Variants in PIAS1 observed in about 807,000 individuals in gnomAD.
PIAS1 encodes the protein E3 SUMO-protein ligase PIAS1.
Under a neutral mutation model 71.3 loss-of-function variants are expected in PIAS1, and 6 were observed. The ratio of observed to expected loss-of-function variants is 0.08; its 90% CI spans 0.05 to 0.17. The LOEUF (loss-of-function observed/expected upper bound fraction) is 0.17, where lower values mean the gene tolerates loss of function less well. Ranked by LOEUF, PIAS1 falls within the 10% of genes least tolerant of loss-of-function variation. The probability of loss-of-function intolerance (pLI) is 1.00; values close to 1 mark genes in which losing one functional copy is unlikely to be tolerated. For missense variants in PIAS1, 555 were observed against 793.6 expected, an observed-to-expected ratio of 0.70 and a Z score of 3.61; for synonymous variants, 303 against 292.9, an observed-to-expected ratio of 1.03 and a Z score of -0.35.
chr15:68,085,179 T>G (rs1305937898), intron 1 of PIAS1, among the ~76,000 whole-genome samples: 1 of 152,174 alleles, frequency 6.6e-6, no homozygotes, highest in African/African-American at 2.4e-5. Flanking sequence ...AAGGAATTAG[T>G]TGGAGAAATA....
intron 6 of PIAS1, among the ~76,000 whole-genome samples, chr15:68,147,218 A>C (rs191671574): frequency 8.1e-4 from 123 of 152,342 alleles, no homozygotes; most frequent in African/African-American, 3.0e-3. Flanking sequence ...GGTGTTGTAC[A>C]AATTTATTCT....
At chr15:68,116,942 G>T (rs1742398322) in intron 2 of PIAS1, among the ~76,000 whole-genome samples, 1 of 152,126 alleles carries the variant, frequency 6.6e-6, no homozygotes. Context: ...GGCGTACAAT[G>T]TGATGTTTCA....
In PIAS1 at chr15:68,150,332, C is replaced by T. The variant is rs184491358; in HGVS notation, c.829-3258C>T. On this transcript the variant is annotated intron_variant, in intron 6 of 13. Coordinates refer to ENST00000249636, the MANE Select transcript of PIAS1 (RefSeq NM_016166.3). ...AAAGCACTAGAGGAGGGGGGAAATA[C>T]TCTTCCATAGGAAGGCTTCCAGCTA... Among the ~76,000 whole-genome samples the T allele has an allele frequency of 1.2e-4, 19 of 152,206 alleles. No individual in the cohort carries two copies. The East Asian group carries it at 3.3e-3, about 26-fold the overall frequency.
At chr15:68,084,549 G>A (rs1432603964) in intron 1 of PIAS1, among the ~76,000 whole-genome samples, 2 of 152,100 alleles carry the variant, frequency 1.3e-5, no homozygotes, top group Non-Finnish European at 2.9e-5. Context: ...TAAGGTTTAC[G>A]TTATATCTTT....
rs969029666 is a variant in PIAS1, at chr15:68,193,671, TG to T, written c.*5843del. The T allele has an allele frequency of 2.7e-5, 6 of 225,592 alleles. No individual in the cohort carries two copies. Among genetic ancestry groups the T allele is most frequent in the Admixed American group, 5.2e-5 (1 of 19,244 alleles). 14.0% of individuals were successfully genotyped at this position (225,592 alleles called of 1,614,324 possible). On this transcript the variant is annotated 3_prime_UTR_variant, in exon 14 of 14. Transcript: ENST00000249636. ...GTAAGAAGTGGGAATCCAGCTTGTG[TG>T]GGGGGGCTTTGAGGAGTGAAATGAT...
intron 7 of PIAS1, among the ~76,000 whole-genome samples, chr15:68,155,375 T>G (rs1197535947): frequency 6.8e-6 from 1 of 147,854 alleles, no homozygotes; most frequent in African/African-American, 2.5e-5. Context: ...AATATTAATT[T>G]GGATCCCACC....
rs543102958 is a variant in PIAS1, at chr15:68,068,474, T to C, written c.24+14124T>C. ...GGGGTTAAGTCTTTTTTTTTGAGACTGAGTTTGCACTCCTGTCACCCAGGT... is the reference window on the plus strand; with the variant it reads ...GGGGTTAAGTCTTTTTTTTTGAGACCGAGTTTGCACTCCTGTCACCCAGGT... On this transcript the variant is annotated intron_variant, in intron 1 of 13. Transcript: ENST00000249636. Among the ~76,000 whole-genome samples, 9 of 152,262 alleles carry C rather than the reference T, an allele frequency of 5.9e-5. No individual in the cohort carries two copies. In the South Asian group the frequency reaches 1.9e-3, roughly 32 times the overall value.
intron 2 of PIAS1, among the ~76,000 whole-genome samples, chr15:68,123,943 T>A (rs1446694414): frequency 6.6e-6 from 1 of 151,286 alleles, no homozygotes; most frequent in Admixed American, 6.6e-5. Context: ...GGACATAATA[T>A]AAACCTAAAT....
intron 2 of PIAS1, among the ~76,000 whole-genome samples, chr15:68,098,763 CTG>C (rs1261936775): frequency 6.6e-6 from 1 of 152,046 alleles, no homozygotes; most frequent in Non-Finnish European, 1.5e-5. Flanking sequence ...TCGTTGGATT[CTG>C]TGTTATTAAA....
At chr15:68,166,330 G>A (rs2092957598) in intron 8 of PIAS1, among the ~76,000 whole-genome samples, 1 of 151,188 alleles carries the variant, frequency 6.6e-6, no homozygotes, top group Admixed American at 6.6e-5. Flanking sequence ...GTTTTTGTGT[G>A]TGTGGTTTTT....
intron 1 of PIAS1, among the ~76,000 whole-genome samples, chr15:68,077,676 T>A (rs2092183005): frequency 6.6e-6 from 1 of 152,238 alleles, no homozygotes; most frequent in African/African-American, 2.4e-5. Flanking sequence ...TTTGATACTC[T>A]GTTGCTGTTA....
intron 7 of PIAS1, among the ~76,000 whole-genome samples, chr15:68,158,217 C>CT (rs1231535719): frequency 6.6e-6 from 1 of 152,104 alleles, no homozygotes; most frequent in Non-Finnish European, 1.5e-5. Flanking sequence ...ATTCACTCTG[C>CT]TTTTTAAACT....
chr15:68,098,305 A>G (rs940040097), intron 2 of PIAS1, among the ~76,000 whole-genome samples: 3 of 152,232 alleles, frequency 2.0e-5, no homozygotes, highest in African/African-American at 7.2e-5. Context: ...GAGAAAAGAA[A>G]CTGTTACTAA....
chr15:68,111,817 A>G (rs559654510), intron 2 of PIAS1, among the ~76,000 whole-genome samples: 2 of 152,308 alleles, frequency 1.3e-5, no homozygotes, highest in East Asian at 3.9e-4. Context: ...TTGAAATATG[A>G]CCATAGTACA....
chr15:68,124,096 T>C (rs2092633156), intron 2 of PIAS1, among the ~76,000 whole-genome samples: 1 of 152,204 alleles, frequency 6.6e-6, no homozygotes, highest in Non-Finnish European at 1.5e-5. Context: ...TCTCTGTGTC[T>C]GTATTGTCTG....
chr15:68,105,316 A>T (rs139727109), intron 2 of PIAS1, among the ~76,000 whole-genome samples: 62 of 152,182 alleles, frequency 4.1e-4, no homozygotes, highest in Non-Finnish European at 6.2e-4. Flanking sequence ...AAATCAGGCC[A>T]TTTGTTTGTA....
chr15:68,082,881 T>C (rs1444031966), intron 1 of PIAS1, among the ~76,000 whole-genome samples: 2 of 152,140 alleles, frequency 1.3e-5, no homozygotes, highest in African/African-American at 4.8e-5. Flanking sequence ...GGGACTGCTG[T>C]TTTTCTTGTA....
chr15:68,074,779 CTTTG>C lies in PIAS1; in HGVS notation c.25-11523_25-11520del, dbSNP rs533772237. 2.8e-3 allele frequency among the ~76,000 whole-genome samples: 422 copies of C among 150,764 alleles called. 3 individuals are homozygous for C. Among genetic ancestry groups the C allele is most frequent in the Middle Eastern group, 7.1e-3 (2 of 282 alleles). On this transcript the variant is annotated intron_variant, in intron 1 of 13. Coordinates refer to ENST00000249636, the MANE Select transcript of PIAS1 (RefSeq NM_016166.3). ...ACAGAGTAAGTTGTAGATAGATAAACTTTGTTTTTCTCTTTTTGTGCTTTTAAAA... is the reference window on the plus strand; with the variant it reads ...ACAGAGTAAGTTGTAGATAGATAAACTTTTTCTCTTTTTGTGCTTTTAAAA...
At chr15:68,091,025 A>C (rs1033759704) in intron 2 of PIAS1, among the ~76,000 whole-genome samples, 9 of 151,426 alleles carry the variant, frequency 5.9e-5, no homozygotes, top group African/African-American at 1.7e-4. Flanking sequence ...TGGCAGCCGC[A>C]TGTATTATTG....
Sources: gnomAD v4.1 joint callset for allele counts (sites outside exome capture counted in the v4.1 genomes callset) on GRCh38, gnomAD v4.1.1 for gene constraint, MANE v1.5 for transcripts, NCBI Gene and HGNC (gene_info 2026-07-23, HGNC 2026-07-21) for gene names.